HOPX: variants seen among roughly 807,000 people sequenced by gnomAD.
The protein encoded by HOPX is homeodomain-only protein.
In HOPX, 5 loss-of-function variants were observed where a neutral mutation model predicts 11.8. That is an observed-to-expected ratio of 0.43 (90% CI 0.22 to 0.89). HOPX has a LOEUF of 0.89. Among genes scored for constraint, HOPX ranks in the 40% least tolerant of loss-of-function variants. The pLI is 0.28. For synonymous variants in HOPX, 49 were observed against 49.7 expected (o/e 0.99, Z 0.06); for missense variants, 119 against 120.0 (o/e 0.99, Z 0.04).
chr4:56,675,708 C>T (rs1325848935), intron 1 of HOPX, among the ~76,000 whole-genome samples: 1 of 151,706 alleles, frequency 6.6e-6, no homozygotes, highest in Admixed American at 6.5e-5. Context: ...AGGGCCCTTG[C>T]CCAGGAAGAC....
chr4:56,668,006 C>A (rs1718531434), intron 1 of HOPX, among the ~76,000 whole-genome samples: 1 of 152,130 alleles, frequency 6.6e-6, no homozygotes, highest in Non-Finnish European at 1.5e-5. Flanking sequence ...CTCACTGCAA[C>A]CTCCGCCTCC....
At chr4:56,677,441 A>C (rs1719075069) in intron 1 of HOPX, among the ~76,000 whole-genome samples, 1 of 151,742 alleles carries the variant, frequency 6.6e-6, no homozygotes, top group African/African-American at 2.4e-5. Flanking sequence ...TAACATTTCA[A>C]GGAACTCCTA....
intron 1 of HOPX, among the ~76,000 whole-genome samples, chr4:56,661,571 C>T (rs563042815): frequency 2.0e-5 from 3 of 152,314 alleles, no homozygotes; most frequent in Non-Finnish European, 4.4e-5. Flanking sequence ...CCCTTACCAC[C>T]AGTGTATAGC....
chr4:56,648,486 C>T lies in HOPX; in HGVS notation c.*234G>A, dbSNP rs1716856634. On this transcript the variant is annotated 3_prime_UTR_variant, in exon 4 of 4. Transcript: ENST00000420433. ...GACTCAAAGGGAAATGCTAGCCACA[C>T]CATTTTTCCAGTGAAGCCACTGCTT... 5.2e-6 allele frequency: 2 copies of T among 383,462 alleles called. No individual in the cohort carries two copies. Among genetic ancestry groups the T allele is most frequent in the Admixed American group, 4.4e-5 (1 of 22,870 alleles). 23.8% of individuals were successfully genotyped at this position (383,462 alleles called of 1,614,324 possible).
chr4:56,651,499 T>C (rs1445471720), intron 3 of HOPX, among the ~76,000 whole-genome samples: 2 of 152,320 alleles, frequency 1.3e-5, no homozygotes, highest in East Asian at 3.9e-4. Context: ...GTTTCAGTCA[T>C]CCACTGGGAA....
At chr4:56,657,501 C>T (rs1717831830) in intron 2 of HOPX, among the ~76,000 whole-genome samples, 1 of 152,122 alleles carries the variant, frequency 6.6e-6, no homozygotes, top group South Asian at 2.1e-4. Flanking sequence ...GTGTCTTTAC[C>T]TCTCCTTTGG....
intron 1 of HOPX, among the ~76,000 whole-genome samples, chr4:56,669,542 C>G (rs1718619350): frequency 6.6e-6 from 1 of 151,920 alleles, no homozygotes; most frequent in Admixed American, 6.6e-5. Context: ...GCCTGTAGTC[C>G]CAGCTACTCA....
intron 1 of HOPX, among the ~76,000 whole-genome samples, chr4:56,678,344 C>T (rs1578367462): frequency 6.6e-6 from 1 of 151,318 alleles, no homozygotes; most frequent in East Asian, 1.9e-4. Context: ...CCTAGCTGCA[C>T]ATTAGACTCA....
In HOPX at chr4:56,655,446, T is replaced by C. The variant is rs532704856; in HGVS notation, c.198+411A>G. On this transcript the variant is annotated intron_variant, in intron 3 of 3. Transcript: ENST00000420433. ...CCAGCTCTGACATTCCCGCCTAGAA[T>C]AGATCTTCCCGAAGGTTTCGCAGAC... is the stretch of plus-strand genomic sequence containing the variant. Among the ~76,000 whole-genome samples, 17 of 152,174 alleles carry C rather than the reference T, an allele frequency of 1.1e-4. No homozygotes were observed. In the South Asian group the frequency reaches 2.7e-3, roughly 24 times the overall value.
chr4:56,671,223 A>T (rs191047889), intron 1 of HOPX, among the ~76,000 whole-genome samples: 7 of 152,056 alleles, frequency 4.6e-5, no homozygotes, highest in African/African-American at 1.5e-4. Flanking sequence ...CCTGAGCTCA[A>T]ATTACATAGT....
chr4:56,656,034 C>CGGCGGTGAGCGA (rs1560364683), intron 2 of HOPX, 22 bp from the exon 3 acceptor site: 1 of 1,535,718 alleles, frequency 6.5e-7, no homozygotes. Flanking sequence ...GGAGAAGCGG[C>CGGCGGTGAGCGA]GGCGGTGAGC....
At chr4:56,669,895 C>T (rs1252374783) in intron 1 of HOPX, among the ~76,000 whole-genome samples, 2 of 152,084 alleles carry the variant, frequency 1.3e-5, no homozygotes, top group Admixed American at 1.3e-4. Context: ...GAGGAAAGAA[C>T]AACATATACT....
At chr4:56,661,276 G>A (rs369454355) in intron 1 of HOPX, among the ~76,000 whole-genome samples, 2 of 152,062 alleles carry the variant, frequency 1.3e-5, no homozygotes, top group African/African-American at 2.4e-5. Flanking sequence ...CACATTCTGC[G>A]TATAGAGAAG....
At chr4:56,678,889 T>G (rs895267523) in intron 1 of HOPX, 1 of 152,230 alleles carries the variant, frequency 6.6e-6, no homozygotes, top group African/African-American at 2.4e-5. Flanking sequence ...TTTATTTTTT[T>G]CTCCATAAAT....
chr4:56,678,460 T>G (rs1416470205), intron 1 of HOPX, among the ~76,000 whole-genome samples: 1 of 100,284 alleles, frequency 1.0e-5, no homozygotes, highest in Non-Finnish European at 2.2e-5. Context: ...TTTTTTTTTT[T>G]TTTGAGACGG....
intron 1 of HOPX, among the ~76,000 whole-genome samples, chr4:56,666,118 A>G (rs941079334): frequency 1.6e-4 from 24 of 152,304 alleles, no homozygotes; most frequent in East Asian, 1.9e-4. Context: ...CCCTAGCTCA[A>G]TGGATTAGCC....
At chr4:56,676,996 C>T (rs1372418305) in intron 1 of HOPX, among the ~76,000 whole-genome samples, 2 of 151,798 alleles carry the variant, frequency 1.3e-5, no homozygotes, top group South Asian at 2.1e-4. Context: ...AACTGGGTCC[C>T]CAAAGAATGA....
At chr4:56,660,334 T>C (rs6823211) in intron 1 of HOPX, among the ~76,000 whole-genome samples, 30,743 of 152,158 alleles carry the variant, frequency 0.2, 3,831 homozygotes, top group Middle Eastern at 0.31. Flanking sequence ...ATTGCTACCT[T>C]TACGGGAACA....
chr4:56,655,582 A>G (rs7675600), intron 3 of HOPX, among the ~76,000 whole-genome samples: 74,552 of 151,734 alleles, frequency 0.49, 19,163 homozygotes, highest in African/African-American at 0.64. Context: ...AGAGTGGAAA[A>G]GAAAGGACTG....
Sources: allele counts gnomAD v4.1 joint callset (sites outside exome capture counted in the v4.1 genomes callset), GRCh38; gene constraint gnomAD v4.1.1; transcripts MANE v1.5; gene names NCBI Gene and HGNC (gene_info 2026-07-23, HGNC 2026-07-21).